The following MSH3 variants were observed in gnomAD, a reference collection of about 807,000 sequenced individuals.
The protein encoded by MSH3 is DNA mismatch repair protein Msh3.
A neutral mutation model predicts 123.3 loss-of-function variants in MSH3; 106 were observed. The observed-to-expected ratio is 0.86, with a 90% confidence interval of 0.73 to 1.01. The LOEUF is 1.01. MSH3 is among the 50% of genes least tolerant of loss of function. The pLI is 0.00. For missense variants in MSH3, 1,459 were observed against 1,347.6 expected (o/e 1.08, Z -1.29); for synonymous variants, 515 against 481.4 (o/e 1.07, Z -0.91).
At chr5:80,825,944 C>T (rs1745290712) in intron 20 of MSH3, among the ~76,000 whole-genome samples, 1 of 152,200 alleles carries the variant, frequency 6.6e-6, no homozygotes, top group Non-Finnish European at 1.5e-5. Flanking sequence ...GCCAGGCTTC[C>T]TGCTATCAGC....
At chr5:80,861,020 C>T (rs1361690920) in intron 21 of MSH3, among the ~76,000 whole-genome samples, 3 of 152,068 alleles carry the variant, frequency 2.0e-5, no homozygotes, top group African/African-American at 7.2e-5. Context: ...TTGGTTTTTT[C>T]TTAGAATATG....
chr5:80,661,072 C>T (rs1323021076), intron 2 of MSH3, among the ~76,000 whole-genome samples: 2 of 152,196 alleles, frequency 1.3e-5, no homozygotes, highest in Non-Finnish European at 2.9e-5. Context: ...GCTAGGATTA[C>T]AGGCATGAGC....
intron 19 of MSH3, among the ~76,000 whole-genome samples, chr5:80,812,806 C>G (rs1050422329): frequency 1.1e-4 from 16 of 152,074 alleles, no homozygotes; most frequent in African/African-American, 3.9e-4. Context: ...CGATCCACCT[C>G]CTTGGCCTCC....
chr5:80,750,949 ACCT>A lies in MSH3; in HGVS notation c.1763+6338_1763+6340del, dbSNP rs200658384. ...AATATCTTCGGAGAGGTTTTATTTG[ACCT>A]CCTAATCTAAATTATGTTCCTTGTA... On this transcript the variant is annotated intron_variant, in intron 12 of 23. Transcript: ENST00000265081. 5.3e-5 allele frequency among the ~76,000 whole-genome samples: 8 copies of A among 151,990 alleles called. No individual in the cohort carries two copies. The East Asian group carries it at 1.5e-3, about 29-fold the overall frequency.
chr5:80,839,037 A>G (rs191077833), intron 20 of MSH3, among the ~76,000 whole-genome samples: 2 of 152,290 alleles, frequency 1.3e-5, no homozygotes, highest in Admixed American at 6.5e-5. Flanking sequence ...GAATGTCTCT[A>G]TTGTTTAAGA....
chr5:80,847,995 G>C (rs943413149), intron 20 of MSH3, among the ~76,000 whole-genome samples: 1 of 152,206 alleles, frequency 6.6e-6, no homozygotes, highest in African/African-American at 2.4e-5. Context: ...GCTTTGGGAG[G>C]CTGAGGCTGG....
At chr5:80,834,038 AT>A (rs1745465112) in intron 20 of MSH3, among the ~76,000 whole-genome samples, 2 of 152,232 alleles carry the variant, frequency 1.3e-5, no homozygotes, top group Non-Finnish European at 2.9e-5. Context: ...AGTTCCCACA[AT>A]TATAAATGCA....
intron 15 of MSH3, among the ~76,000 whole-genome samples, chr5:80,771,337 G>A (rs1375013225): frequency 6.6e-6 from 1 of 152,064 alleles, no homozygotes; most frequent in Non-Finnish European, 1.5e-5. Context: ...AAATTAGCCA[G>A]GCATAGTGGA....
chr5:80,786,527 C>A (rs1744511847), intron 17 of MSH3, among the ~76,000 whole-genome samples: 1 of 152,168 alleles, frequency 6.6e-6, no homozygotes, highest in African/African-American at 2.4e-5. Flanking sequence ...TGACTTATCA[C>A]CACCTACTTA....
chr5:80,761,457 T>C, intron 12 of MSH3, 89 bp from the exon 13 acceptor site: 1 of 1,481,816 alleles, frequency 6.7e-7, no homozygotes, highest in Non-Finnish European at 9.4e-7. Context: ...AATAAGTGGC[T>C]GTGTCACATT....
chr5:80,753,568 A>G (rs1337265999), intron 12 of MSH3, among the ~76,000 whole-genome samples: 1 of 152,224 alleles, frequency 6.6e-6, no homozygotes, highest in Non-Finnish European at 1.5e-5. Flanking sequence ...TGATTGACTA[A>G]GTAAATGCTA....
intron 12 of MSH3, among the ~76,000 whole-genome samples, chr5:80,760,509 T>C (rs1231266647): frequency 1.3e-5 from 2 of 152,192 alleles, no homozygotes; most frequent in Non-Finnish European, 2.9e-5. Context: ...CCCCAATCTT[T>C]GGTCAGGGTC....
chr5:80,765,162 C>T (rs1386531129), intron 13 of MSH3, among the ~76,000 whole-genome samples: 1 of 152,232 alleles, frequency 6.6e-6, no homozygotes, highest in Non-Finnish European at 1.5e-5. Context: ...TAAAGCACTA[C>T]TGGTTTTCAC....
intron 15 of MSH3, 54 bp downstream of exon 15, chr5:80,769,057 A>G: frequency 6.7e-7 from 1 of 1,493,894 alleles, no homozygotes. Context: ...TAGAAAAGCT[A>G]TTTTAAAATG....
At chr5:80,788,430 G>C (rs978041098) in intron 18 of MSH3, among the ~76,000 whole-genome samples, 3 of 151,930 alleles carry the variant, frequency 2.0e-5, no homozygotes, top group Non-Finnish European at 4.4e-5. Context: ...AAGAGAGTGA[G>C]ACTCTGTCTC....
intron 13 of MSH3, among the ~76,000 whole-genome samples, chr5:80,762,276 A>T (rs1309685332): frequency 6.6e-6 from 1 of 152,112 alleles, no homozygotes. Flanking sequence ...TTTTTAAATG[A>T]TAAAACACTA....
chr5:80,686,968 T>G (rs777817364), intron 8 of MSH3, among the ~76,000 whole-genome samples: 5 of 152,188 alleles, frequency 3.3e-5, no homozygotes, highest in Non-Finnish European at 7.4e-5. Context: ...ACAAGAGGTC[T>G]CCAAAGGATT....
rs759521475 is a variant in MSH3, at chr5:80,833,856, TAAGAG to T, written c.2813+20123_2813+20127del. Reference sequence around the variant, plus strand: ...AGATATTTACAACATAGCAGAATAATAAGAGAAGAGAATGGTATCAAAGACTCTGG... The same window carrying T: ...AGATATTTACAACATAGCAGAATAATAAGAGAATGGTATCAAAGACTCTGG... On this transcript the variant is annotated intron_variant, in intron 20 of 23. Transcript: ENST00000265081. Among the ~76,000 whole-genome samples, 3 of 102,120 alleles carry T rather than the reference TAAGAG, an allele frequency of 2.9e-5. No individual in the cohort carries two copies. In the South Asian group the frequency reaches 1.2e-3, roughly 41 times the overall value. The allele number at this position is 102,120 out of a possible 152,430, so 67.0% of individuals were successfully genotyped here.
At chr5:80,739,731 A>T (rs1743577956) in intron 10 of MSH3, among the ~76,000 whole-genome samples, 1 of 152,206 alleles carries the variant, frequency 6.6e-6, no homozygotes, top group Non-Finnish European at 1.5e-5. Context: ...ACATTACACT[A>T]CCAAAGGACA....
Sources: allele counts gnomAD v4.1 joint callset (sites outside exome capture counted in the v4.1 genomes callset), GRCh38; gene constraint gnomAD v4.1.1; transcripts MANE v1.5; gene names NCBI Gene and HGNC (gene_info 2026-07-23, HGNC 2026-07-21).